WDFY4: variants seen among roughly 807,000 people sequenced by gnomAD.
The protein encoded by WDFY4 is WDFY family member 4.
Under a neutral mutation model 351.9 loss-of-function variants are expected in WDFY4, and 169 were observed. The observed-to-expected ratio is 0.48, with a 90% CI of 0.42 to 0.55. The LOEUF is 0.55. WDFY4 is among the 20% of genes least tolerant of loss of function. WDFY4 has a pLI of 0.00. For synonymous variants in WDFY4, 1,622 were observed against 1,574.6 expected (o/e 1.03, Z -0.71); for missense variants, 3,803 against 3,935.6 (o/e 0.97, Z 0.90).
intron 47 of WDFY4, among the ~76,000 whole-genome samples, chr10:48,927,274 A>G (rs567302199): frequency 7.2e-5 from 11 of 152,268 alleles, no homozygotes; most frequent in African/African-American, 2.6e-4. Flanking sequence ...GCTAAGAGGT[A>G]CATCATGCCC....
At chr10:48,840,667 T>A in intron 39 of WDFY4, among the ~76,000 whole-genome samples, 1 of 152,080 alleles carries the variant, frequency 6.6e-6, no homozygotes. Context: ...GGACGAGAGT[T>A]CCCTACAGCC....
chr10:48,835,751 C>A (rs1440527963), intron 39 of WDFY4, among the ~76,000 whole-genome samples: 2 of 152,236 alleles, frequency 1.3e-5, no homozygotes, highest in Non-Finnish European at 2.9e-5. Context: ...TGGCTTCATT[C>A]TTCTCCACTG....
At chr10:48,832,749 T>C (rs777529649) in intron 39 of WDFY4, 40 bp downstream of exon 39, 2 of 1,489,598 alleles carry the variant, frequency 1.3e-6, no homozygotes, top group East Asian at 2.5e-5. Context: ...GTATCAGGCA[T>C]TTGCTTCAAA....
intron 28 of WDFY4, among the ~76,000 whole-genome samples, chr10:48,808,711 A>T (rs1214222298): frequency 6.6e-6 from 1 of 152,238 alleles, no homozygotes; most frequent in African/African-American, 2.4e-5. Flanking sequence ...TCTTTCTTAG[A>T]ATCAAAACAT....
intron 1 of WDFY4, among the ~76,000 whole-genome samples, chr10:48,708,739 A>C (rs1322719573): frequency 6.6e-6 from 1 of 152,128 alleles, no homozygotes; most frequent in Non-Finnish European, 1.5e-5. Flanking sequence ...ACTTGCAAAC[A>C]CTGCTCCTGT....
chr10:48,916,679 G>A (rs2940716), intron 47 of WDFY4, among the ~76,000 whole-genome samples: 36,410 of 152,046 alleles, frequency 0.24, 4,741 homozygotes, highest in African/African-American at 0.29. Flanking sequence ...GATTGCAACA[G>A]GGAAGAAATT....
intron 44 of WDFY4, among the ~76,000 whole-genome samples, chr10:48,894,381 C>T (rs1342759460): frequency 6.6e-6 from 1 of 152,138 alleles, no homozygotes; most frequent in Non-Finnish European, 1.5e-5. Flanking sequence ...AGAAAAGGCA[C>T]TATTGAAAGA....
chr10:48,759,325 C>T (rs750074343), intron 12 of WDFY4, among the ~76,000 whole-genome samples: 1 of 152,184 alleles, frequency 6.6e-6, no homozygotes, highest in Non-Finnish European at 1.5e-5. Flanking sequence ...CTTTCCTTAA[C>T]ACTTGCTGGC....
intron 51 of WDFY4, among the ~76,000 whole-genome samples, chr10:48,955,191 AC>A (rs1358430413): frequency 6.6e-6 from 1 of 152,050 alleles, no homozygotes; most frequent in African/African-American, 2.4e-5. Context: ...TCGACACCCC[AC>A]CCCCATTTTA....
intron 47 of WDFY4, among the ~76,000 whole-genome samples, chr10:48,924,660 T>A (rs1330543633): frequency 6.6e-6 from 1 of 152,246 alleles, no homozygotes; most frequent in East Asian, 1.9e-4. Context: ...CCAGTTGGTT[T>A]GACTTTAATT....
chr10:48,878,199 G>T (rs1270476324), intron 43 of WDFY4: 3 of 152,278 alleles, frequency 2.0e-5, no homozygotes. Context: ...GGGTGAATCG[G>T]GCTTTTCCAT....
At chr10:48,867,841 AC>A (rs1358247476) in intron 40 of WDFY4, among the ~76,000 whole-genome samples, 6 of 152,262 alleles carry the variant, frequency 3.9e-5, no homozygotes, top group African/African-American at 1.2e-4. Context: ...AACACAACAT[AC>A]AGTCTTAAAA....
chr10:48,913,274 TTGGCTGAAAGAGCTGCTGCAG>T, intron 47 of WDFY4: 1 of 947,996 alleles, frequency 1.1e-6, no homozygotes, highest in Non-Finnish European at 1.6e-6. Flanking sequence ...TTTTATGGGC[TTGGCTGAAAGAGCTGCTGCAG>T]CCACAGGGGA....
At chr10:48,964,823 T>C (rs1842006637) in intron 54 of WDFY4, among the ~76,000 whole-genome samples, 1 of 152,202 alleles carries the variant, frequency 6.6e-6, no homozygotes, top group African/African-American at 2.4e-5. Context: ...TGAACTGTGG[T>C]TGTGTGTGGA....
At chr10:48,922,690 A>T (rs1195500717) in intron 47 of WDFY4, among the ~76,000 whole-genome samples, 1 of 152,188 alleles carries the variant, frequency 6.6e-6, no homozygotes. Flanking sequence ...GTAAGCGAGG[A>T]CTGTGGTAAT....
At chr10:48,709,634 T>A in intron 1 of WDFY4, 82 bp from the exon 2 acceptor site, 1 of 1,213,568 alleles carries the variant, frequency 8.2e-7, no homozygotes. Flanking sequence ...CTGGGCTGAG[T>A]GAGTACAGTA....
intron 39 of WDFY4, among the ~76,000 whole-genome samples, chr10:48,858,613 ATAC>A (rs1032876634): frequency 2.0e-5 from 3 of 152,218 alleles, no homozygotes; most frequent in Non-Finnish European, 4.4e-5. Context: ...AACTATGAGT[ATAC>A]TAAGTCTTGA....
chr10:48,908,583 G>A (rs1005236788), intron 47 of WDFY4, among the ~76,000 whole-genome samples: 2 of 152,076 alleles, frequency 1.3e-5, no homozygotes, highest in South Asian at 4.1e-4. Flanking sequence ...TCAGCACTGG[G>A]CAGATGTATA....
At chr10:48,898,853 G>C (rs1189604780) in intron 45 of WDFY4, among the ~76,000 whole-genome samples, 1 of 150,900 alleles carries the variant, frequency 6.6e-6, no homozygotes, top group Admixed American at 6.6e-5. Context: ...CTGGTTCTGG[G>C]CCAATCTCCA....
Sources: gnomAD v4.1 joint callset for allele counts (sites outside exome capture counted in the v4.1 genomes callset) on GRCh38, gnomAD v4.1.1 for gene constraint, MANE v1.5 for transcripts, NCBI Gene and HGNC (gene_info 2026-07-23, HGNC 2026-07-21) for gene names.